Variants in ALMS1 observed in about 807,000 individuals in gnomAD.
ALMS1 encodes ALMS1 centrosome and basal body associated protein, also known as centrosome-associated protein ALMS1.
A neutral mutation model predicts 352.2 loss-of-function variants in ALMS1; 271 were observed. That is an observed-to-expected ratio of 0.77 (90% CI 0.70 to 0.85). The LOEUF is 0.85. ALMS1 is among the 40% of genes least tolerant of loss of function. The pLI, the probability that ALMS1 is intolerant of heterozygous loss-of-function variation, is 0.00. For missense variants in ALMS1, 5,445 were observed against 4,870.7 expected (o/e 1.12, Z -3.51); for synonymous variants, 1,865 against 1,761.2 (o/e 1.06, Z -1.48).
intron 16 of ALMS1, among the ~76,000 whole-genome samples, chr2:73,580,144 T>C (rs1176909391): frequency 6.6e-6 from 1 of 152,190 alleles, no homozygotes; most frequent in Non-Finnish European, 1.5e-5. Flanking sequence ...AGTGATGTAA[T>C]CATAGCTCAC....
At chr2:73,566,851 G>A (rs549282714) in intron 15 of ALMS1, among the ~76,000 whole-genome samples, 1 of 152,188 alleles carries the variant, frequency 6.6e-6, no homozygotes, top group Non-Finnish European at 1.5e-5. Context: ...TAATTTGCTC[G>A]AATGGCTCAG....
At position 73,424,453 on chromosome 2, in the gene ALMS1, A is replaced by T; in HGVS notation, c.788A>T (p.Asp263Val). Residue 263 changes from aspartate (D) to valine (V), a missense_variant, in exon 5 of 23, where the codon GAT becomes GTT. Coordinates refer to ENST00000613296, the MANE Select transcript of ALMS1 (RefSeq NM_001378454.1). ...AGGGGAATTCCTGATAAGTCTGAAG[A>T]TACTGAATGGTCTTCTCGACCATCG... ...PLRGIPDKSE[D>V]TEWSSRPSEV... 1 of 1,596,380 alleles carries T rather than the reference A, an allele frequency of 6.3e-7. No homozygotes were observed. The highest frequency in any genetic ancestry group is 1.2e-5 in the South Asian group (1 of 86,054).
At chr2:73,497,722 A>G (rs1207454078) in intron 10 of ALMS1, among the ~76,000 whole-genome samples, 2 of 152,116 alleles carry the variant, frequency 1.3e-5, no homozygotes, top group Non-Finnish European at 2.9e-5. Context: ...ACATTATTTC[A>G]TTCCTTTTTA....
At chr2:73,593,792 T>C (rs1330824537) in intron 16 of ALMS1, among the ~76,000 whole-genome samples, 1 of 152,202 alleles carries the variant, frequency 6.6e-6, no homozygotes, top group Non-Finnish European at 1.5e-5. Flanking sequence ...CTAATGACTT[T>C]CTGTTTCTAT....
chr2:73,601,093 G>C, intron 18 of ALMS1, 102 bp from the exon 19 acceptor site: 2 of 1,574,074 alleles, frequency 1.3e-6, no homozygotes, highest in Non-Finnish European at 1.7e-6. Context: ...TGACAGCTGA[G>C]ACCCCTGAGA....
chr2:73,545,727 C>T (rs1038323352), intron 12 of ALMS1, among the ~76,000 whole-genome samples: 6 of 152,162 alleles, frequency 3.9e-5, no homozygotes, highest in Admixed American at 1.3e-4. Flanking sequence ...GATATTGTCT[C>T]ATGCATGTAT....
intron 13 of ALMS1, among the ~76,000 whole-genome samples, chr2:73,553,062 TA>T (rs1357804518): frequency 2.0e-5 from 3 of 152,142 alleles, no homozygotes; most frequent in Non-Finnish European, 4.4e-5. Context: ...TAAAAGGGAC[TA>T]CCATGTACAT....
At chr2:73,485,847 C>T (rs1437841943) in intron 9 of ALMS1, among the ~76,000 whole-genome samples, 1 of 152,160 alleles carries the variant, frequency 6.6e-6, no homozygotes, top group Non-Finnish European at 1.5e-5. Flanking sequence ...CCAGGTGCGT[C>T]CGTCACCCCT....
intron 9 of ALMS1, among the ~76,000 whole-genome samples, chr2:73,476,510 C>T (rs532908154): frequency 5.3e-4 from 80 of 152,170 alleles, no homozygotes; most frequent in Non-Finnish European, 7.5e-4. Flanking sequence ...TTTACATTCC[C>T]ACCAGCAGTA....
At chr2:73,607,563 A>G (rs1016479331) in intron 21 of ALMS1, among the ~76,000 whole-genome samples, 1 of 151,028 alleles carries the variant, frequency 6.6e-6, no homozygotes, top group Admixed American at 6.6e-5. Context: ...TTTTACCAAC[A>G]CTCATTTTCC....
intron 10 of ALMS1, among the ~76,000 whole-genome samples, chr2:73,504,029 A>G (rs138919154): frequency 3.3e-5 from 5 of 152,288 alleles, no homozygotes; most frequent in African/African-American, 7.2e-5. Flanking sequence ...AGTTATGATC[A>G]ATTTCTACCT....
At chr2:73,434,756 A>G (rs1447958181) in intron 7 of ALMS1, among the ~76,000 whole-genome samples, 1 of 152,130 alleles carries the variant, frequency 6.6e-6, no homozygotes, top group Non-Finnish European at 1.5e-5. Context: ...ATATTTTGAC[A>G]TTATGATGTT....
chr2:73,593,888 G>A (rs910260433), intron 16 of ALMS1, among the ~76,000 whole-genome samples: 9 of 152,176 alleles, frequency 5.9e-5, no homozygotes, highest in Non-Finnish European at 1.3e-4. Context: ...TATTTTCAAG[G>A]TTCGTACACC....
chr2:73,478,199 C>T (rs902415964), intron 9 of ALMS1, among the ~76,000 whole-genome samples: 7 of 152,086 alleles, frequency 4.6e-5, no homozygotes, highest in African/African-American at 1.4e-4. Context: ...TTGAACTGAA[C>T]AGTAGCTTTT....
intron 1 of ALMS1, among the ~76,000 whole-genome samples, chr2:73,395,937 A>G (rs1215066975): frequency 1.3e-5 from 2 of 152,144 alleles, no homozygotes; most frequent in African/African-American, 4.8e-5. Flanking sequence ...GGCCACACAT[A>G]AAATACACTA....
At chr2:73,406,252 A>G (rs138005423) in intron 1 of ALMS1, among the ~76,000 whole-genome samples, 47 of 152,206 alleles carry the variant, frequency 3.1e-4, no homozygotes, top group African/African-American at 9.9e-4. Flanking sequence ...TCCTTTGTCT[A>G]TGGTATCAGT....
At position 73,414,473 on chromosome 2, in the gene ALMS1, G is replaced by A. The variant is rs1234553908; in HGVS notation, c.451-4650G>A. 2.7e-4 allele frequency among the ~76,000 whole-genome samples: 18 copies of A among 66,450 alleles called. No homozygotes were observed. The East Asian group carries it at 0.013, about 48-fold the overall frequency. 43.6% of individuals were successfully genotyped at this position (66,450 alleles called of 152,430 possible). A position where few individuals can be genotyped will look rare whatever the true frequency, so the allele number is the denominator to read the frequency against. On this transcript the variant is annotated intron_variant, in intron 2 of 22. Coordinates refer to ENST00000613296, the MANE Select transcript of ALMS1 (RefSeq NM_001378454.1). The stretch of plus-strand genomic sequence containing the variant: ...ATAGATATGTCATTTCTTTTTTTCC[G>A]TTTTTTTTTTTTTTTGTTTTTTTTT...
chr2:73,573,334 C>T lies in ALMS1; in HGVS notation c.11457C>T (p.Tyr3819=), dbSNP rs373397289. The T allele has an allele frequency of 1.1e-5, 17 of 1,613,956 alleles. No homozygotes were observed. Among genetic ancestry groups the T allele is most frequent in the Non-Finnish European group, 1.4e-5 (17 of 1,180,012 alleles). ...YSSITNQQRR[Y]LEKRSKHSKK... ...GCATCACCAACCAACAGAGGAGATA[C>T]CTTGAGAAGCGGAGCAAACACAGCA... The change falls in exon 16 of 23, where the codon TAC becomes TAT. Residue 3819 remains tyrosine, a synonymous_variant. Coordinates refer to ENST00000613296, the MANE Select transcript of ALMS1 (RefSeq NM_001378454.1).
At chr2:73,472,192 A>G (rs2103844451) in intron 9 of ALMS1, among the ~76,000 whole-genome samples, 1 of 152,156 alleles carries the variant, frequency 6.6e-6, no homozygotes, top group South Asian at 2.1e-4. Flanking sequence ...GACTGGGAGG[A>G]AGGGGAAATT....
Sources: allele counts gnomAD v4.1 joint callset (sites outside exome capture counted in the v4.1 genomes callset), GRCh38; gene constraint gnomAD v4.1.1; transcripts MANE v1.5; gene names NCBI Gene and HGNC (gene_info 2026-07-23, HGNC 2026-07-21).